KATNA1: variants seen among roughly 807,000 people sequenced by gnomAD.
The protein encoded by KATNA1 is katanin p60 ATPase-containing subunit A1.
Under a neutral mutation model 62.6 loss-of-function variants are expected in KATNA1, and 42 were observed. That is an observed-to-expected ratio of 0.67 (90% confidence interval 0.52 to 0.87). The LOEUF (loss-of-function observed/expected upper bound fraction) is 0.87. KATNA1 is among the 40% of genes least tolerant of loss of function. The pLI, the probability that KATNA1 is intolerant of heterozygous loss-of-function variation, is 0.00. For missense variants in KATNA1, 498 were observed against 612.5 expected (o/e 0.81, Z 1.97); for synonymous variants, 186 against 201.9 (o/e 0.92, Z 0.67).
intron 4 of KATNA1, among the ~76,000 whole-genome samples, chr6:149,609,979 A>T (rs1778887019): frequency 1.3e-5 from 2 of 150,864 alleles, no homozygotes; most frequent in Non-Finnish European, 3.0e-5. Flanking sequence ...CATGCCTGTA[A>T]TCCCAGCTAC....
intron 3 of KATNA1, among the ~76,000 whole-genome samples, chr6:149,628,264 A>ATTTTTTTTT (rs554916406): frequency 7.7e-6 from 1 of 129,582 alleles, no homozygotes. Context: ...TGCCCGGCTA[A>ATTTTTTTTT]TTTTTTTTTT....
chr6:149,615,050 T>C (rs1055039379), intron 4 of KATNA1, among the ~76,000 whole-genome samples: 8 of 149,744 alleles, frequency 5.3e-5, no homozygotes. Flanking sequence ...AGAGAATCGC[T>C]TGAACCTGGG....
In KATNA1 at chr6:149,603,615, T is replaced by C. The variant is rs115701377; in HGVS notation, c.624-242A>G. 5.9e-3 allele frequency among the ~76,000 whole-genome samples: 898 copies of C among 152,146 alleles called. 9 individuals carry two copies. The highest frequency in any genetic ancestry group is 0.021 in the African/African-American group (860 of 41,492). On this transcript the variant is annotated intron_variant, in intron 5 of 10. Coordinates refer to ENST00000367411, the MANE Select transcript of KATNA1 (RefSeq NM_007044.4). ...GTTTTTAGCCTGGATCACGAGAACA[T>C]AGTCTACAGGCACACTCTTCAGGGT... is the stretch of plus-strand genomic sequence containing the variant.
At chr6:149,642,064 A>G (rs1780312409) in intron 1 of KATNA1, among the ~76,000 whole-genome samples, 1 of 151,984 alleles carries the variant, frequency 6.6e-6, no homozygotes, top group South Asian at 2.1e-4. Flanking sequence ...CACCATGCCC[A>G]GCTAATTTTT....
intron 4 of KATNA1, among the ~76,000 whole-genome samples, chr6:149,614,268 T>C (rs1309291319): frequency 6.6e-6 from 1 of 152,198 alleles, no homozygotes; most frequent in East Asian, 1.9e-4. Context: ...ATGCAGCTTC[T>C]GACCTTGCAG....
rs566525990 is a variant in KATNA1 at position 149,610,868 on chromosome 6, T to C, written c.502-6086A>G. On this transcript the variant is annotated intron_variant, in intron 4 of 10. Coordinates refer to ENST00000367411, the MANE Select transcript of KATNA1 (RefSeq NM_007044.4). ...GAGACTCCGCAGCAGGTGGATCACCTGAGGTCAGGAATTTGAGACCAGCTT... is the reference window on the plus strand; with the variant it reads ...GAGACTCCGCAGCAGGTGGATCACCCGAGGTCAGGAATTTGAGACCAGCTT... Among the ~76,000 whole-genome samples, 3 of 152,186 alleles carry C rather than the reference T, an allele frequency of 2.0e-5. No homozygotes were observed. The South Asian group carries it at 6.2e-4, about 32-fold the overall frequency.
intron 1 of KATNA1, among the ~76,000 whole-genome samples, chr6:149,641,684 A>G (rs1780298277): frequency 1.3e-5 from 2 of 152,180 alleles, no homozygotes; most frequent in Admixed American, 1.3e-4. Flanking sequence ...CACACACCAC[A>G]TGATCAAGAA....
intron 1 of KATNA1, among the ~76,000 whole-genome samples, chr6:149,644,574 T>C (rs1407689239): frequency 2.0e-5 from 3 of 152,096 alleles, no homozygotes; most frequent in Non-Finnish European, 4.4e-5. Flanking sequence ...TGAGCTGTGA[T>C]CACACCACTG....
intron 4 of KATNA1, among the ~76,000 whole-genome samples, chr6:149,615,780 ACAGT>A (rs1328096181): frequency 2.0e-5 from 3 of 152,162 alleles, no homozygotes; most frequent in African/African-American, 7.2e-5. Flanking sequence ...CCTGGGCAAC[ACAGT>A]CAGACCCTGT....
At chr6:149,643,058 G>A (rs1420514796) in intron 1 of KATNA1, among the ~76,000 whole-genome samples, 1 of 152,152 alleles carries the variant, frequency 6.6e-6, no homozygotes, top group African/African-American at 2.4e-5. Flanking sequence ...GCTGTCTCTT[G>A]CTGGCCCCAC....
intron 4 of KATNA1, among the ~76,000 whole-genome samples, chr6:149,605,160 G>A (rs540788377): frequency 2.0e-5 from 3 of 149,702 alleles, no homozygotes; most frequent in South Asian, 4.2e-4. Context: ...GTGACAGACC[G>A]AGACACCAAC....
intron 4 of KATNA1, among the ~76,000 whole-genome samples, chr6:149,617,971 AAAATAAATAAAT>A (rs978909388): frequency 4.4e-5 from 3 of 67,612 alleles, no homozygotes; most frequent in African/African-American, 1.6e-4. Flanking sequence ...AATAAATAAT[AAAATAAATAAAT>A]AAATAAATAT....
intron 4 of KATNA1, among the ~76,000 whole-genome samples, chr6:149,613,464 T>G (rs905319300): frequency 6.6e-6 from 1 of 152,026 alleles, no homozygotes; most frequent in South Asian, 2.1e-4. Context: ...CAGAAAATAC[T>G]AAGGAATCTA....
chr6:149,598,540 T>C (rs1267514456), intron 7 of KATNA1, among the ~76,000 whole-genome samples, 190 bp from the exon 8 acceptor site: 1 of 151,860 alleles, frequency 6.6e-6, no homozygotes, highest in Non-Finnish European at 1.5e-5. Flanking sequence ...CTGGGCAACA[T>C]AGCAAGACTC....
chr6:149,626,364 C>A lies in KATNA1; in HGVS notation c.321-3081G>T, dbSNP rs78967123. ...GGCGGGAGTGCTGTGGCGCGATCTC[C>A]GCTCACTGCAAGCTCCGCCTTCCGG... On this transcript the variant is annotated intron_variant, in intron 3 of 10. Coordinates refer to ENST00000367411, the MANE Select transcript of KATNA1 (RefSeq NM_007044.4). Among the ~76,000 whole-genome samples, 576 of 130,558 alleles carry A rather than the reference C, an allele frequency of 4.4e-3. 5 individuals are homozygous for A. The highest frequency in any genetic ancestry group is 0.016 in the African/African-American group (547 of 34,094). 85.7% of individuals were successfully genotyped at this position (130,558 alleles called of 152,430 possible).
chr6:149,619,151 A>C (rs1361178729), intron 4 of KATNA1, among the ~76,000 whole-genome samples: 3 of 152,192 alleles, frequency 2.0e-5, no homozygotes, highest in African/African-American at 7.2e-5. Context: ...AAATAATCCA[A>C]TTAAAAAATG....
rs9498377 is a variant in KATNA1 at position 149,600,593 on chromosome 6, A to G, written c.888+1001T>C. Among the ~76,000 whole-genome samples the G allele has an allele frequency of 4.2e-3, 633 of 152,058 alleles. 5 individuals are homozygous for G. Among genetic ancestry groups the G allele is most frequent in the African/African-American group, 0.015 (608 of 41,498 alleles). On this transcript the variant is annotated intron_variant, in intron 7 of 10. Transcript: ENST00000367411. ...GGCTGCTGTGAGCCGAGATTGCAAC[A>G]CTGCACTCCAGCCTAGGTGACAGAA...
intron 4 of KATNA1, among the ~76,000 whole-genome samples, chr6:149,605,921 C>T (rs941740367): frequency 3.3e-5 from 5 of 152,022 alleles, no homozygotes; most frequent in East Asian, 1.9e-4. Flanking sequence ...TGCACCACCA[C>T]GCCCGGCTAA....
At chr6:149,622,762 G>C (rs1402598864) in intron 4 of KATNA1, among the ~76,000 whole-genome samples, 2 of 130,586 alleles carry the variant, frequency 1.5e-5, no homozygotes, top group Non-Finnish European at 3.2e-5. Flanking sequence ...AGGCCTGGCA[G>C]GGGGGCGGGG....
Sources: allele counts gnomAD v4.1 joint callset (sites outside exome capture counted in the v4.1 genomes callset), GRCh38; gene constraint gnomAD v4.1.1; transcripts MANE v1.5; gene names NCBI Gene and HGNC (gene_info 2026-07-23, HGNC 2026-07-21).